The following DRD3 variants were observed in gnomAD, a reference collection of about 807,000 sequenced individuals.
DRD3 encodes the protein D(3) dopamine receptor.
Under a neutral mutation model 36.3 loss-of-function variants are expected in DRD3, and 19 were observed. That is an observed-to-expected ratio of 0.52 (90% CI 0.36 to 0.77). The LOEUF is 0.77. Among genes scored for constraint, DRD3 ranks in the 30% least tolerant of loss-of-function variants. The probability of loss-of-function intolerance (pLI) is 0.00; values close to 1 mark genes in which losing one functional copy is unlikely to be tolerated. For synonymous variants in DRD3, 195 were observed against 203.7 expected, an observed-to-expected ratio of 0.96 and a Z score of 0.36; for missense variants, 465 against 505.3, an observed-to-expected ratio of 0.92 and a Z score of 0.77.
intron 1 of DRD3, among the ~76,000 whole-genome samples, chr3:114,189,829 G>A (rs2077994573): frequency 6.6e-6 from 1 of 152,150 alleles, no homozygotes; most frequent in Non-Finnish European, 1.5e-5. Context: ...TCCCCAGCCT[G>A]AACCCTTGAA....
chr3:114,171,714 T>A lies in DRD3; in HGVS notation c.270+9A>T, dbSNP rs1021992722. Reference sequence around the variant, plus strand: ...TCATAGAGACAACATGCACCTGAAGTCTACTCACCTCCAGGTATACCACCC... The same window carrying A: ...TCATAGAGACAACATGCACCTGAAGACTACTCACCTCCAGGTATACCACCC... On this transcript the variant is annotated intron_variant, in intron 2 of 6. Coordinates refer to ENST00000383673, the MANE Select transcript of DRD3 (RefSeq NM_000796.6). 10 of 1,581,854 alleles carry A rather than the reference T, an allele frequency of 6.3e-6. No individual in the cohort carries two copies. In the African/African-American group the frequency reaches 1.1e-4, roughly 17 times the overall value.
chr3:114,137,767 G>A (rs556911312), intron 5 of DRD3, among the ~76,000 whole-genome samples: 176 of 151,880 alleles, frequency 1.2e-3, no homozygotes, highest in African/African-American at 4.0e-3. Context: ...CGAAGCGTGC[G>A]GATCACGAGG....
At chr3:114,136,852 G>C (rs1056409533) in intron 5 of DRD3, among the ~76,000 whole-genome samples, 1 of 152,200 alleles carries the variant, frequency 6.6e-6, no homozygotes, top group Non-Finnish European at 1.5e-5. Context: ...TGACCATGAA[G>C]TTGTCTTGGT....
At chr3:114,184,078 T>G (rs2077962180) in intron 1 of DRD3, among the ~76,000 whole-genome samples, 1 of 152,202 alleles carries the variant, frequency 6.6e-6, no homozygotes, top group Admixed American at 6.5e-5. Flanking sequence ...GTTTAGTTGA[T>G]GTTTTGTGGT....
intron 1 of DRD3, among the ~76,000 whole-genome samples, chr3:114,191,891 G>A (rs1415405929): frequency 6.6e-6 from 1 of 152,178 alleles, no homozygotes; most frequent in Non-Finnish European, 1.5e-5. Flanking sequence ...TCAATTAGAG[G>A]AAACATGCTG....
chr3:114,198,360 G>T (rs1210036775), intron 1 of DRD3, among the ~76,000 whole-genome samples: 1 of 151,900 alleles, frequency 6.6e-6, no homozygotes, highest in Non-Finnish European at 1.5e-5. Context: ...TGGTCTCGAA[G>T]TCCTGAGGTC....
chr3:114,158,536 A>T (rs549107849), intron 3 of DRD3, among the ~76,000 whole-genome samples: 27 of 152,340 alleles, frequency 1.8e-4, no homozygotes, highest in Middle Eastern at 3.4e-3. Flanking sequence ...AAACTCTTCT[A>T]CAAGACCTAG....
At chr3:114,176,583 T>A (rs1042050121) in intron 1 of DRD3, among the ~76,000 whole-genome samples, 2 of 152,038 alleles carry the variant, frequency 1.3e-5, no homozygotes, top group Non-Finnish European at 2.9e-5. Flanking sequence ...CCAGCCTGGG[T>A]GACAGAGCAA....
intron 1 of DRD3, among the ~76,000 whole-genome samples, chr3:114,189,676 C>T (rs1304756280): frequency 1.3e-5 from 2 of 152,200 alleles, no homozygotes; most frequent in East Asian, 3.9e-4. Flanking sequence ...ATAGAGCATG[C>T]ACCATTCAGT....
chr3:114,147,377 A>AC (rs1339429276), intron 4 of DRD3, 38 bp downstream of exon 4: 2 of 1,600,716 alleles, frequency 1.2e-6, no homozygotes, highest in Non-Finnish European at 1.7e-6. Context: ...CTGTGCTGTG[A>AC]ATCACATGGA....
At chr3:114,172,126 G>A (rs2077851838) in intron 1 of DRD3, 99 bp from the exon 2 acceptor site, 2 of 997,816 alleles carry the variant, frequency 2.0e-6, no homozygotes, top group Non-Finnish European at 2.7e-6. Flanking sequence ...AATATTTATT[G>A]AGCATTTTCT....
chr3:114,160,938 A>C (rs897836534), intron 2 of DRD3, among the ~76,000 whole-genome samples: 1 of 152,222 alleles, frequency 6.6e-6, no homozygotes, highest in African/African-American at 2.4e-5. Flanking sequence ...TAATGCTTAC[A>C]GTCAGGAATT....
At chr3:114,163,101 C>T (rs1316158380) in intron 2 of DRD3, among the ~76,000 whole-genome samples, 1 of 152,200 alleles carries the variant, frequency 6.6e-6, no homozygotes, top group African/African-American at 2.4e-5. Flanking sequence ...TTTCTTGTCT[C>T]CTGATTCTGC....
chr3:114,159,061 G>A (rs1165392377), intron 3 of DRD3, among the ~76,000 whole-genome samples: 2 of 152,098 alleles, frequency 1.3e-5, no homozygotes, highest in African/African-American at 4.8e-5. Flanking sequence ...GAGAAACAGA[G>A]GGACCCAGAG....
At chr3:114,137,968 C>T (rs111976689) in intron 5 of DRD3, among the ~76,000 whole-genome samples, 7 of 137,344 alleles carry the variant, frequency 5.1e-5, no homozygotes, top group Admixed American at 2.3e-4. Context: ...ACTGCACTCC[C>T]GCCTGGGCCA....
intron 4 of DRD3, among the ~76,000 whole-genome samples, chr3:114,142,766 G>A (rs983656971): frequency 5.9e-5 from 9 of 152,126 alleles, no homozygotes; most frequent in Admixed American, 3.3e-4. Flanking sequence ...AGGGCATATA[G>A]CTATTTCAGG....
At chr3:114,142,685 TGGGC>T in intron 4 of DRD3, among the ~76,000 whole-genome samples, 1 of 152,200 alleles carries the variant, frequency 6.6e-6, no homozygotes, top group Non-Finnish European at 1.5e-5. Context: ...ATGTATCTCA[TGGGC>T]ACCTTATGAA....
intron 5 of DRD3, among the ~76,000 whole-genome samples, chr3:114,137,859 G>T (rs1195799617): frequency 6.6e-6 from 1 of 150,804 alleles, no homozygotes; most frequent in Admixed American, 6.6e-5. Context: ...TTAGCCGGGC[G>T]TGATGGTGGG....
At chr3:114,161,554 T>C (rs889102876) in intron 2 of DRD3, among the ~76,000 whole-genome samples, 7 of 152,210 alleles carry the variant, frequency 4.6e-5, no homozygotes, top group South Asian at 2.1e-4. Flanking sequence ...TGACCAATGA[T>C]TTTTTGTTTA....
Sources: allele counts gnomAD v4.1 joint callset (sites outside exome capture counted in the v4.1 genomes callset), GRCh38; gene constraint gnomAD v4.1.1; transcripts MANE v1.5; gene names NCBI Gene and HGNC (gene_info 2026-07-23, HGNC 2026-07-21).